Variants in IL22RA2 observed in about 807,000 individuals in gnomAD.
The protein encoded by IL22RA2 is interleukin 22 receptor subunit alpha 2, also known as interleukin-22 receptor subunit alpha-2.
Under a neutral mutation model 30.7 loss-of-function variants are expected in IL22RA2, and 39 were observed. The ratio of observed to expected loss-of-function variants is 1.27; its 90% CI spans 0.98 to 1.66. IL22RA2 has a LOEUF of 1.66. IL22RA2 is among the 40% of genes most tolerant of loss of function. The probability of loss-of-function intolerance (pLI) is 0.00; values close to 1 mark genes in which losing one functional copy is unlikely to be tolerated. For synonymous variants in IL22RA2, 103 were observed against 105.0 expected (o/e 0.98, Z 0.11); for missense variants, 315 against 312.7 (o/e 1.01, Z -0.05).
In IL22RA2 at chr6:137,145,680, G is replaced by A; in HGVS notation, c.736C>T (p.Pro246Ser). The A allele has an allele frequency of 6.2e-7, 1 of 1,613,368 alleles. No individual in the cohort carries two copies. Among genetic ancestry groups the A allele is most frequent in the Non-Finnish European group, 8.5e-7 (1 of 1,179,604 alleles). Residue 246 changes from proline (P) to serine (S), a missense_variant, in exon 7 of 7, where the codon CCC becomes TCC. By Grantham distance (74) the Pro-to-Ser change is moderately conservative. Transcript: ENST00000296980. ...CTCTGACTTCTTCTGTCTAACATGG[G>A]CTGATATATTTCAGCCACTACACAG... ...SYCVVAEIYQ[P>S]MLDRRSQRSE... is the part of the protein sequence containing the mutation.
chr6:137,150,259 G>A (rs753822745), intron 5 of IL22RA2, among the ~76,000 whole-genome samples: 4 of 152,092 alleles, frequency 2.6e-5, no homozygotes. Context: ...CTAGAAACGT[G>A]CTTTTTTGAA....
chr6:137,149,932 G>A (rs986124742), intron 5 of IL22RA2, among the ~76,000 whole-genome samples: 3 of 152,052 alleles, frequency 2.0e-5, no homozygotes, highest in Admixed American at 6.5e-5. Flanking sequence ...TCCTACCTCG[G>A]CCTCCCAAAG....
chr6:137,169,385 G>A (rs934376541), intron 1 of IL22RA2, among the ~76,000 whole-genome samples: 3 of 152,140 alleles, frequency 2.0e-5, no homozygotes, highest in Non-Finnish European at 4.4e-5. Context: ...AGGATCTGTG[G>A]AACAAAGGCT....
chr6:137,164,967 T>A (rs1778599760), intron 1 of IL22RA2, among the ~76,000 whole-genome samples: 1 of 130,376 alleles, frequency 7.7e-6, no homozygotes, highest in Admixed American at 7.1e-5. Context: ...TTGTAAACAT[T>A]TTTTTCTGTC....
intron 3 of IL22RA2, among the ~76,000 whole-genome samples, chr6:137,157,396 ATTTGTACAT>A (rs1662033402): frequency 6.6e-6 from 1 of 152,166 alleles, no homozygotes; most frequent in Non-Finnish European, 1.5e-5. Context: ...CATTGTAAAG[ATTTGTACAT>A]TTTACAATCG....
At chr6:137,162,000 G>A (rs756247673) in intron 1 of IL22RA2, among the ~76,000 whole-genome samples, 186 bp from the exon 2 acceptor site, 18 of 152,172 alleles carry the variant, frequency 1.2e-4, no homozygotes, top group African/African-American at 3.4e-4. Context: ...TGGGAAGCTC[G>A]TTTTTTGTTG....
At chr6:137,169,047 G>T (rs901602017) in intron 1 of IL22RA2, among the ~76,000 whole-genome samples, 7 of 152,228 alleles carry the variant, frequency 4.6e-5, no homozygotes, top group African/African-American at 1.4e-4. Flanking sequence ...GCCCTGGGAA[G>T]CCAGAGAATT....
At chr6:137,159,635 TTC>T (rs767545336) in intron 2 of IL22RA2, among the ~76,000 whole-genome samples, 7 of 152,180 alleles carry the variant, frequency 4.6e-5, no homozygotes, top group Non-Finnish European at 7.4e-5. Context: ...GAAGCATATC[TTC>T]TGTTTTCTCC....
chr6:137,145,310 G>T lies in IL22RA2; in HGVS notation c.*314C>A. 5.3e-6 allele frequency: 1 copy of T among 187,124 alleles called. No homozygotes were observed. The highest frequency in any genetic ancestry group is 1.1e-5 in the Non-Finnish European group (1 of 92,066). The allele number at this position is 187,124 out of a possible 1,614,324, so 11.6% of individuals were successfully genotyped here. A position where few individuals can be genotyped will look rare whatever the true frequency, so the allele number is the denominator to read the frequency against. The stretch of plus-strand genomic sequence containing the variant: ...TCCTTGGTTGTTAAATTTTTATTTT[G>T]CTGTATTAGAAGAATGAAGGTTGTT... On this transcript the variant is annotated 3_prime_UTR_variant, in exon 7 of 7. Transcript: ENST00000296980.
chr6:137,169,913 G>A (rs150217176), intron 1 of IL22RA2, among the ~76,000 whole-genome samples: 15 of 152,308 alleles, frequency 9.8e-5, no homozygotes, highest in African/African-American at 1.7e-4. Flanking sequence ...GCCAGGATGC[G>A]GAAGTTAGCT....
At chr6:137,166,109 G>C (rs1778620801) in intron 1 of IL22RA2, among the ~76,000 whole-genome samples, 1 of 152,230 alleles carries the variant, frequency 6.6e-6, no homozygotes, top group African/African-American at 2.4e-5. Context: ...GCCCTTAAAA[G>C]ACCCACATGT....
At position 137,145,701 on chromosome 6, in the gene IL22RA2, C is replaced by T. The variant is rs926597038; in HGVS notation, c.715G>A (p.Val239Ile). The change falls in exon 7 of 7, where the codon GTA becomes ATA. Residue 239 changes from valine (V) to isoleucine (I), a missense_variant. Coordinates refer to ENST00000296980, the MANE Select transcript of IL22RA2 (RefSeq NM_052962.3). ...ATGGGCTGATATATTTCAGCCACTA[C>T]ACAGTAGCTGGAGTGTGGTGTTAGA... is the stretch of plus-strand genomic sequence containing the variant. ...EALTPHSSYC[V>I]VAEIYQPMLD... 1.2e-6 allele frequency: 2 copies of T among 1,613,064 alleles called. No individual in the cohort carries two copies. Among genetic ancestry groups the T allele is most frequent in the Non-Finnish European group, 8.5e-7 (1 of 1,179,246 alleles).
At chr6:137,154,316 A>C (rs566051314) in intron 5 of IL22RA2, among the ~76,000 whole-genome samples, 2 of 152,250 alleles carry the variant, frequency 1.3e-5, no homozygotes, top group East Asian at 3.9e-4. Flanking sequence ...TCTGCTGTCT[A>C]AAAATACTTT....
intron 1 of IL22RA2, among the ~76,000 whole-genome samples, chr6:137,165,712 A>G (rs1352579520): frequency 2.6e-5 from 4 of 152,118 alleles, no homozygotes; most frequent in Non-Finnish European, 5.9e-5. Context: ...TTAGGAAGAG[A>G]TTTCCTCCAG....
chr6:137,173,093 C>G (rs78315661), intron 1 of IL22RA2, among the ~76,000 whole-genome samples: 2 of 152,154 alleles, frequency 1.3e-5, no homozygotes, highest in African/African-American at 4.8e-5. Flanking sequence ...AAGATGTGGC[C>G]AGACACGGTG....
chr6:137,158,534 T>C (rs1778457703), intron 2 of IL22RA2, 52 bp from the exon 3 acceptor site: 1 of 1,582,822 alleles, frequency 6.3e-7, no homozygotes, highest in Non-Finnish European at 8.7e-7. Flanking sequence ...AGCACTGCTG[T>C]TCCCAGCAGT....
At chr6:137,168,992 T>TA (rs1329289500) in intron 1 of IL22RA2, among the ~76,000 whole-genome samples, 3 of 152,244 alleles carry the variant, frequency 2.0e-5, no homozygotes, top group African/African-American at 7.2e-5. Flanking sequence ...ATTTAGGAGT[T>TA]ACTTCCTGTT....
intron 1 of IL22RA2, among the ~76,000 whole-genome samples, chr6:137,166,703 G>C (rs1778633453): frequency 6.6e-6 from 1 of 152,220 alleles, no homozygotes; most frequent in Non-Finnish European, 1.5e-5. Context: ...TCTCAAATGG[G>C]AGGCTCGCCA....
chr6:137,154,864 C>A, intron 5 of IL22RA2, 77 bp downstream of exon 5: 1 of 1,233,630 alleles, frequency 8.1e-7, no homozygotes, highest in South Asian at 1.2e-5. Context: ...AAGCACAAGG[C>A]CTAGTCACTA....
Sources: allele counts gnomAD v4.1 joint callset (sites outside exome capture counted in the v4.1 genomes callset), GRCh38; gene constraint gnomAD v4.1.1; transcripts MANE v1.5; gene names NCBI Gene and HGNC (gene_info 2026-07-23, HGNC 2026-07-21).